The following GDPD1 variants were observed in gnomAD, a reference collection of about 807,000 sequenced individuals.
GDPD1 encodes lysophospholipase D GDPD1.
A neutral mutation model predicts 45.1 loss-of-function variants in GDPD1; 28 were observed. That is an observed-to-expected ratio of 0.62 (90% CI 0.46 to 0.85). GDPD1 has a LOEUF of 0.85. Among genes scored for constraint, GDPD1 ranks in the 40% least tolerant of loss-of-function variants. GDPD1 has a pLI of 0.00. For missense variants in GDPD1, 256 were observed against 364.8 expected, an observed-to-expected ratio of 0.70 and a Z score of 2.43; for synonymous variants, 139 against 131.4, an observed-to-expected ratio of 1.06 and a Z score of -0.40.
intron 3 of GDPD1, among the ~76,000 whole-genome samples, chr17:59,245,798 G>A (rs9913212): frequency 0.44 from 67,058 of 151,818 alleles, 16,586 homozygotes; most frequent in African/African-American, 0.68. Flanking sequence ...CAGGCTAGGC[G>A]ACATAGCAAG....
intron 7 of GDPD1, among the ~76,000 whole-genome samples, chr17:59,268,508 G>A (rs1244588129): frequency 7.0e-6 from 1 of 143,772 alleles, no homozygotes; most frequent in East Asian, 2.1e-4. Context: ...GAGCCTGGGA[G>A]GCAGAGCTTG....
At chr17:59,248,099 G>A (rs999590466) in intron 3 of GDPD1, among the ~76,000 whole-genome samples, 3 of 151,740 alleles carry the variant, frequency 2.0e-5, no homozygotes, top group African/African-American at 7.3e-5. Flanking sequence ...AAATTATTGG[G>A]TAAAAGAACA....
chr17:59,263,857 T>C (rs1438767073), intron 6 of GDPD1, among the ~76,000 whole-genome samples: 1 of 150,408 alleles, frequency 6.6e-6, no homozygotes, highest in Non-Finnish European at 1.5e-5. Context: ...ACCCAAAATA[T>C]AAACATTAAA....
Position 59,275,435 on chromosome 17 carries a change from T to G in GDPD1, c.*1662T>G, listed in dbSNP as rs944977183. 2.2e-5 allele frequency: 7 copies of G among 321,420 alleles called. No individual in the cohort carries two copies. Among genetic ancestry groups the G allele is most frequent in the Non-Finnish European group, 4.0e-5 (7 of 173,534 alleles). The allele number at this position is 321,420 out of a possible 1,614,324, so 19.9% of individuals were successfully genotyped here. ...GTAGCAATTCTACCATGTCCATTTT[T>G]TTAAGCATTAAAAAGGAACTTACCA... is the stretch of plus-strand genomic sequence containing the variant. On this transcript the variant is annotated 3_prime_UTR_variant, in exon 10 of 10. Transcript: ENST00000284116.
chr17:59,259,035 ATTTTTTTTTTAAG>A (rs968333453), intron 6 of GDPD1, among the ~76,000 whole-genome samples: 2 of 145,990 alleles, frequency 1.4e-5, no homozygotes, highest in Non-Finnish European at 3.0e-5. Context: ...ACATGTGCCT[ATTTTTTTTTTAAG>A]AAAGAAATTA....
chr17:59,226,991 C>G (rs1170949647), intron 1 of GDPD1, among the ~76,000 whole-genome samples: 4 of 151,968 alleles, frequency 2.6e-5, no homozygotes, highest in South Asian at 2.1e-4. Flanking sequence ...TGAGCAGTAC[C>G]TTTTTATTGA....
At chr17:59,257,868 T>G in intron 6 of GDPD1, 28 bp downstream of exon 6, 1 of 1,359,766 alleles carries the variant, frequency 7.4e-7, no homozygotes, top group Non-Finnish European at 1.0e-6. Flanking sequence ...TACAGAATTA[T>G]CTATCTTTGT....
chr17:59,274,512 CA>C lies in GDPD1; in HGVS notation c.*763del, dbSNP rs35411377. ...TGGGAGACAGAGTGAGACTCCGTCT[CA>C]AAAAAAAAAAAAAAAAAAAAAAATG... On this transcript the variant is annotated 3_prime_UTR_variant, in exon 10 of 10. Transcript: ENST00000284116. The C allele has an allele frequency of 6.5e-4, 44 of 67,960 alleles. No individual in the cohort carries two copies. The highest frequency in any genetic ancestry group is 4.6e-3 in the South Asian group (8 of 1,726). 4.2% of individuals were successfully genotyped at this position (67,960 alleles called of 1,614,324 possible). A position where few individuals can be genotyped will look rare whatever the true frequency, so the allele number is the denominator to read the frequency against.
chr17:59,246,565 C>T (rs144525802), intron 3 of GDPD1, among the ~76,000 whole-genome samples: 3,634 of 151,238 alleles, frequency 0.024, 148 homozygotes, highest in African/African-American at 0.083. Flanking sequence ...AAAAATTAGC[C>T]GGGCATGTTG....
intron 2 of GDPD1, among the ~76,000 whole-genome samples, 170 bp from the exon 3 acceptor site, chr17:59,245,244 C>T (rs958929769): frequency 1.3e-5 from 2 of 152,104 alleles, no homozygotes; most frequent in Non-Finnish European, 2.9e-5. Context: ...CTTTTATTCT[C>T]AGTTCATTTA....
At chr17:59,239,398 A>AT (rs955568938) in intron 2 of GDPD1, among the ~76,000 whole-genome samples, 26 of 149,954 alleles carry the variant, frequency 1.7e-4, no homozygotes, top group South Asian at 4.2e-4. Flanking sequence ...TCTTTTTTGT[A>AT]TTTTTTTTTG....
chr17:59,223,307 A>C (rs531304067), intron 1 of GDPD1, among the ~76,000 whole-genome samples: 1 of 152,292 alleles, frequency 6.6e-6, no homozygotes, highest in East Asian at 1.9e-4. Flanking sequence ...GCAGACTCAA[A>C]ATCTGTTTTA....
intron 1 of GDPD1, among the ~76,000 whole-genome samples, chr17:59,230,313 TC>T (rs1426823098): frequency 1.4e-5 from 2 of 147,866 alleles, no homozygotes. Context: ...AATGAAGATC[TC>T]AAGCGATGAA....
intron 1 of GDPD1, 74 bp from the exon 2 acceptor site, chr17:59,234,418 G>C: frequency 2.3e-6 from 2 of 876,218 alleles, no homozygotes; most frequent in South Asian, 1.5e-5. Flanking sequence ...GATTCATTAG[G>C]TGTATTTTAT....
At chr17:59,269,530 A>G (rs1295254268) in intron 7 of GDPD1, among the ~76,000 whole-genome samples, 3 of 142,628 alleles carry the variant, frequency 2.1e-5, no homozygotes, top group Non-Finnish European at 3.1e-5. Context: ...TGATCCCTAA[A>G]CATTTATTCC....
chr17:59,224,424 C>T (rs747910400), intron 1 of GDPD1, among the ~76,000 whole-genome samples: 38 of 152,010 alleles, frequency 2.5e-4, no homozygotes, highest in Non-Finnish European at 4.0e-4. Context: ...AAATCGAGAC[C>T]ATCCTGGCTA....
rs760133847 is a variant in GDPD1 at position 59,245,555 on chromosome 17, TA to T, written c.321+11del. The T allele has an allele frequency of 6.3e-7, 1 of 1,595,644 alleles. No individual in the cohort carries two copies. Among genetic ancestry groups the T allele is most frequent in the East Asian group, 2.2e-5 (1 of 44,472 alleles). ...TCTCTGATCTCAAATACTGTGTAAG[TA>T]AAAATGCATGATAAACTAATATCTA... On this transcript the variant is annotated splice_region_variant and intron_variant, in intron 3 of 9. Transcript: ENST00000284116.
chr17:59,236,530 C>G (rs1311803802), intron 2 of GDPD1, among the ~76,000 whole-genome samples: 4 of 152,178 alleles, frequency 2.6e-5, no homozygotes, highest in African/African-American at 4.8e-5. Flanking sequence ...GAGTCTTGCT[C>G]TGTCACCCAG....
rs1261052852 is a variant in GDPD1 at position 59,274,584 on chromosome 17, C to G, written c.*811C>G. The G allele has an allele frequency of 1.4e-5, 2 of 146,050 alleles. No homozygotes were observed. The highest frequency in any genetic ancestry group is 3.0e-5 in the Non-Finnish European group (2 of 67,166). 9.0% of individuals were successfully genotyped at this position (146,050 alleles called of 1,614,324 possible). ...CACGAGGTCAGGAGATCGAGACCAT[C>G]CTGGCTAACATGGTGAAACCCCGTC... On this transcript the variant is annotated 3_prime_UTR_variant, in exon 10 of 10. Coordinates refer to ENST00000284116, the MANE Select transcript of GDPD1 (RefSeq NM_182569.4).
Sources: allele counts gnomAD v4.1 joint callset (sites outside exome capture counted in the v4.1 genomes callset), GRCh38; gene constraint gnomAD v4.1.1; transcripts MANE v1.5; gene names NCBI Gene and HGNC (gene_info 2026-07-23, HGNC 2026-07-21).